FER1L6: variants seen among roughly 807,000 people sequenced by gnomAD.
FER1L6 encodes the protein fer-1 like family member 6, also known as fer-1-like protein 6.
In FER1L6, 177 loss-of-function variants were observed where a neutral mutation model predicts 219.2. The observed-to-expected ratio is 0.81, with a 90% CI of 0.71 to 0.91. The LOEUF (loss-of-function observed/expected upper bound fraction) is 0.91, where lower values mean the gene tolerates loss of function less well. Ranked by LOEUF, FER1L6 falls within the 40% of genes least tolerant of loss-of-function variation. The probability of loss-of-function intolerance (pLI) is 0.00; values close to 1 mark genes in which losing one functional copy is unlikely to be tolerated. For missense variants in FER1L6, 2,153 were observed against 2,259.9 expected, an observed-to-expected ratio of 0.95 and a Z score of 0.96; for synonymous variants, 768 against 824.3, an observed-to-expected ratio of 0.93 and a Z score of 1.17.
In FER1L6 at chr8:123,853,649, C is replaced by T. The variant is rs1438218604; in HGVS notation, c.-8+1464C>T. 2.6e-5 allele frequency among the ~76,000 whole-genome samples: 4 copies of T among 152,088 alleles called. No homozygotes were observed. The highest frequency in any genetic ancestry group is 5.9e-5 in the Non-Finnish European group (4 of 68,026). On this transcript the variant is annotated intron_variant, in intron 1 of 40. Coordinates refer to ENST00000522917, the MANE Select transcript of FER1L6 (RefSeq NM_001039112.2). The surrounding 1 kb of genome is among the most constrained non-coding windows in gnomAD (Gnocchi z 6.6). ...GTAGGTACGCCTCACCACGGGCAAG[C>T]GTGGAGTAACATATTTTGAGAGAAC...
Position 124,101,227 on chromosome 8 carries a change from A to C in FER1L6, c.5014A>C (p.Ile1672Leu). The stretch of plus-strand genomic sequence containing the variant: ...TCTCCCAGCTGAGAAGCAAATGGTC[A>C]TTACCAAGAGGGAGAACATCTTCTC... The part of the protein sequence containing the change: ...QYLPAEKQMV[I>L]TKRENIFSLE... Residue 1672 changes from isoleucine (I) to leucine (L), a missense_variant, in exon 38 of 41, where the codon ATT (isoleucine) becomes CTT (leucine). Physicochemically the swap from Ile to Leu is conservative, Grantham distance 5. Coordinates refer to ENST00000522917, the MANE Select transcript of FER1L6 (RefSeq NM_001039112.2). The C allele has an allele frequency of 6.2e-7, 1 of 1,613,922 alleles. No homozygotes were observed. The highest frequency in any genetic ancestry group is 8.5e-7 in the Non-Finnish European group (1 of 1,179,964).
intron 32 of FER1L6, among the ~76,000 whole-genome samples, chr8:124,081,526 G>C (rs1177419309): frequency 6.8e-6 from 1 of 147,464 alleles, no homozygotes; most frequent in Admixed American, 6.9e-5. Context: ...TGATTTCTGA[G>C]ATCTCTTACA....
intron 40 of FER1L6, 148 bp downstream of exon 40, chr8:124,119,092 A>C: frequency 1.6e-6 from 1 of 640,696 alleles, no homozygotes; most frequent in East Asian, 2.7e-5. Context: ...CAACCTGTGT[A>C]GCTTTTCGAA....
intron 1 of FER1L6, among the ~76,000 whole-genome samples, chr8:123,908,328 C>T (rs1586455388): frequency 6.6e-6 from 1 of 152,308 alleles, no homozygotes; most frequent in Middle Eastern, 3.4e-3. Context: ...TTGTGAGGCT[C>T]TTACAAGATA....
intron 12 of FER1L6, among the ~76,000 whole-genome samples, chr8:124,001,742 A>G (rs1031302166): frequency 1.3e-5 from 2 of 152,236 alleles, no homozygotes; most frequent in Non-Finnish European, 2.9e-5. Context: ...CTAAATATGA[A>G]TCAAGACCCT....
rs189950424 is a variant in FER1L6 at position 124,113,012 on chromosome 8, T to A, written c.5290-5832T>A. Among the ~76,000 whole-genome samples the A allele has an allele frequency of 7.8e-4, 119 of 152,322 alleles. 1 individual carries two copies. Among genetic ancestry groups the A allele is most frequent in the Admixed American group, 2.7e-3 (41 of 15,306 alleles). ...TCCTAATATTTTCTCTATGCATAAATTTTAGTTCCCTTTACATAATAGTAA... is the reference window on the plus strand; with the variant it reads ...TCCTAATATTTTCTCTATGCATAAAATTTAGTTCCCTTTACATAATAGTAA... On this transcript the variant is annotated intron_variant, in intron 39 of 40. Coordinates refer to ENST00000522917, the MANE Select transcript of FER1L6 (RefSeq NM_001039112.2).
At chr8:124,096,028 T>C (rs989539645) in intron 35 of FER1L6, among the ~76,000 whole-genome samples, 1 of 152,170 alleles carries the variant, frequency 6.6e-6, no homozygotes, top group Non-Finnish European at 1.5e-5. Flanking sequence ...GAAAATCATG[T>C]GAGTTTGATT....
chr8:123,859,701 C>A (rs1388576141), intron 1 of FER1L6, among the ~76,000 whole-genome samples: 1 of 129,022 alleles, frequency 7.8e-6, no homozygotes. Context: ...TCCCCTCCCC[C>A]TTCCCCCCAC....
At position 124,045,459 on chromosome 8, in the gene FER1L6, G is replaced by A. The variant is rs151178562; in HGVS notation, c.2590-308G>A. 6.1e-3 allele frequency among the ~76,000 whole-genome samples: 936 copies of A among 152,320 alleles called. 9 individuals are homozygous for A. Among genetic ancestry groups the A allele is most frequent in the African/African-American group, 0.022 (898 of 41,564 alleles). ...ATAAATGCTCAAAAAAGTGGCTAGT[G>A]TTATCATTGGCACTACTGTGAGGAC... On this transcript the variant is annotated intron_variant, in intron 20 of 40. Transcript: ENST00000522917.
chr8:123,907,612 G>A (rs1362781941), intron 1 of FER1L6, among the ~76,000 whole-genome samples: 1 of 151,036 alleles, frequency 6.6e-6, no homozygotes, highest in Non-Finnish European at 1.5e-5. Context: ...GTATCGAGGA[G>A]AAATTGGGAT....
chr8:124,048,904 C>T (rs1453345087), intron 21 of FER1L6, among the ~76,000 whole-genome samples: 9 of 152,212 alleles, frequency 5.9e-5, no homozygotes, highest in Middle Eastern at 3.4e-3. Context: ...TGTTTGCTGC[C>T]GCCTGATTTT....
intron 23 of FER1L6, 102 bp from the exon 24 acceptor site, chr8:124,060,446 G>A (rs770302717): frequency 2.7e-5 from 40 of 1,500,400 alleles, no homozygotes; most frequent in Middle Eastern, 4.5e-4. Flanking sequence ...GGAACACAGC[G>A]TGGTTCTCAG....
chr8:123,915,908 CA>C (rs1813175057), intron 1 of FER1L6, among the ~76,000 whole-genome samples: 1 of 152,192 alleles, frequency 6.6e-6, no homozygotes, highest in African/African-American at 2.4e-5. Context: ...TGAGTAAAGA[CA>C]GGCAAGTGAG....
At chr8:124,085,136 T>C (rs1821727548) in intron 33 of FER1L6, among the ~76,000 whole-genome samples, 1 of 152,098 alleles carries the variant, frequency 6.6e-6, no homozygotes, top group South Asian at 2.1e-4. Context: ...GTCTTCTTTA[T>C]TGTCTGTAAT....
At chr8:123,903,563 C>T (rs1206910884) in intron 1 of FER1L6, among the ~76,000 whole-genome samples, 1 of 152,120 alleles carries the variant, frequency 6.6e-6, no homozygotes, top group African/African-American at 2.4e-5. Context: ...AGATTTTCTT[C>T]AGCTTCAAAG....
chr8:124,082,141 CCAAA>C (rs1251390100), intron 32 of FER1L6, 143 bp from the exon 33 acceptor site: 5 of 528,882 alleles, frequency 9.5e-6, no homozygotes, highest in Admixed American at 7.5e-5. Flanking sequence ...AAAAATTAAA[CCAAA>C]CAAATATCTG....
In FER1L6 at chr8:124,106,553, C is replaced by T. The variant is rs73332229; in HGVS notation, c.5289+3244C>T. Among the ~76,000 whole-genome samples, 1,294 of 152,164 alleles carry T rather than the reference C, an allele frequency of 8.5e-3. 23 individuals carry two copies. The highest frequency in any genetic ancestry group is 0.029 in the African/African-American group (1,217 of 41,502). On this transcript the variant is annotated intron_variant, in intron 39 of 40. Coordinates refer to ENST00000522917, the MANE Select transcript of FER1L6 (RefSeq NM_001039112.2). ...TCAACCATCCTGAACCCTTCCCGGA[C>T]TCTTGCTTGTCTGGTCTGTGGACTG... is the stretch of plus-strand genomic sequence containing the variant.
intron 2 of FER1L6, 144 bp from the exon 3 acceptor site, chr8:123,963,134 T>C: frequency 7.7e-6 from 8 of 1,038,366 alleles, no homozygotes; most frequent in Non-Finnish European, 1.1e-5. Flanking sequence ...GCCAATAAGA[T>C]GTTAAGTTTT....
At chr8:123,854,401 C>T (rs571223985) in intron 1 of FER1L6, among the ~76,000 whole-genome samples, 24 of 152,316 alleles carry the variant, frequency 1.6e-4, no homozygotes, top group African/African-American at 5.8e-4. Flanking sequence ...GTTGCAGTCA[C>T]AGTCACTTTC....
Sources: gnomAD v4.1 joint callset for allele counts (sites outside exome capture counted in the v4.1 genomes callset) on GRCh38, gnomAD v4.1.1 for gene constraint, Gnocchi (gnomAD v3.1) non-coding constraint, MANE v1.5 for transcripts, NCBI Gene and HGNC (gene_info 2026-07-23, HGNC 2026-07-21) for gene names.